The following TOX variants were observed in gnomAD, a reference collection of about 807,000 sequenced individuals.
The protein encoded by TOX is thymocyte selection-associated high mobility group box protein TOX.
In TOX, 11 loss-of-function variants were observed where a neutral mutation model predicts 53.7. That is an observed-to-expected ratio of 0.20 (90% confidence interval 0.13 to 0.34). TOX has a LOEUF of 0.34. Ranked by LOEUF, TOX falls within the 10% of genes least tolerant of loss-of-function variation. The pLI is 1.00. For synonymous variants in TOX, 225 were observed against 245.3 expected (o/e 0.92, Z 0.77); for missense variants, 570 against 664.6 (o/e 0.86, Z 1.56).
At chr8:58,822,084 T>C (rs1810290808) in intron 6 of TOX, among the ~76,000 whole-genome samples, 1 of 152,246 alleles carries the variant, frequency 6.6e-6, no homozygotes, top group African/African-American at 2.4e-5. Flanking sequence ...CATTTGCTTC[T>C]GCTTTTAAGT....
chr8:59,028,767 T>C (rs1432784910), intron 1 of TOX, among the ~76,000 whole-genome samples: 2 of 152,172 alleles, frequency 1.3e-5, no homozygotes, highest in African/African-American at 2.4e-5. Context: ...TTTCATAGTT[T>C]TAATATGAAC....
intron 3 of TOX, among the ~76,000 whole-genome samples, chr8:58,883,667 C>T (rs1393126739): frequency 6.6e-6 from 1 of 151,806 alleles, no homozygotes; most frequent in Non-Finnish European, 1.5e-5. Context: ...GGAACTTTAT[C>T]TGGGTAAGTG....
At chr8:58,879,596 T>C (rs1014454055) in intron 3 of TOX, among the ~76,000 whole-genome samples, 3 of 152,246 alleles carry the variant, frequency 2.0e-5, no homozygotes, top group Non-Finnish European at 2.9e-5. Flanking sequence ...CACTGAGCCA[T>C]GTAATCTAGC....
intron 1 of TOX, among the ~76,000 whole-genome samples, chr8:59,080,849 G>A (rs567349568): frequency 3.3e-5 from 5 of 152,100 alleles, no homozygotes; most frequent in East Asian, 1.9e-4. Context: ...TGCAGAACTG[G>A]GCCAATTAAA....
intron 1 of TOX, among the ~76,000 whole-genome samples, chr8:58,993,114 T>TGGAACCTGAACTGGGAAGAGTAACCGTC (rs1813487149): frequency 6.6e-6 from 1 of 152,000 alleles, no homozygotes; most frequent in Admixed American, 6.6e-5. Flanking sequence ...GCTGACAGAT[T>TGGAACCTGAACTGGGAAGAGTAACCGTC]GGAACCTGAA....
At chr8:59,027,587 C>T (rs1385756159) in intron 1 of TOX, among the ~76,000 whole-genome samples, 1 of 152,044 alleles carries the variant, frequency 6.6e-6, no homozygotes, top group Non-Finnish European at 1.5e-5. Flanking sequence ...ATTTGTTGTA[C>T]AGATTTATAT....
In TOX at chr8:58,884,319, C is replaced by A. The variant is rs1458861536; in HGVS notation, c.412-32514G>T. Among the ~76,000 whole-genome samples the A allele has an allele frequency of 2.0e-5, 3 of 152,224 alleles. 1 individual carries two copies. The highest frequency in any genetic ancestry group is 4.1e-4 in the South Asian group (2 of 4,822). On this transcript the variant is annotated intron_variant, in intron 3 of 8. Transcript: ENST00000361421. Reference sequence around the variant, plus strand: ...ATTGATTTTTCCGCCAAATGGAAGACCTCTGTCATCTAAGAAGGTTATTCA... The same window carrying A: ...ATTGATTTTTCCGCCAAATGGAAGAACTCTGTCATCTAAGAAGGTTATTCA...
chr8:58,923,042 T>C (rs894886593), intron 3 of TOX, among the ~76,000 whole-genome samples: 1 of 152,100 alleles, frequency 6.6e-6, no homozygotes, highest in African/African-American at 2.4e-5. Flanking sequence ...ATAGTGTGAA[T>C]TGAGGTCAGG....
rs1813226963 is a variant in TOX at position 58,982,661 on chromosome 8, C to T, written c.103-22653G>A. On this transcript the variant is annotated intron_variant, in intron 1 of 8. Coordinates refer to ENST00000361421, the MANE Select transcript of TOX (RefSeq NM_014729.3). ...CAGTTCAATCCCAATCTATGGTCTT[C>T]TCACCTTTTGTCCAGATTGTTGCCA... 2.6e-5 allele frequency among the ~76,000 whole-genome samples: 4 copies of T among 152,344 alleles called. No individual in the cohort carries two copies. In the South Asian group the frequency reaches 8.3e-4, roughly 32 times the overall value.
intron 3 of TOX, among the ~76,000 whole-genome samples, chr8:58,858,050 G>A (rs1563371747): frequency 1.3e-5 from 2 of 152,112 alleles, no homozygotes; most frequent in East Asian, 1.9e-4. Context: ...GATTACAGGC[G>A]TGAGCCACTG....
chr8:58,852,912 G>T (rs1810849556), intron 3 of TOX, among the ~76,000 whole-genome samples: 1 of 152,208 alleles, frequency 6.6e-6, no homozygotes, highest in Non-Finnish European at 1.5e-5. Flanking sequence ...GCAATGACCT[G>T]TCTGCAAATG....
intron 1 of TOX, among the ~76,000 whole-genome samples, chr8:59,067,228 G>C (rs1419948412): frequency 1.3e-5 from 2 of 152,152 alleles, no homozygotes; most frequent in African/African-American, 4.8e-5. Context: ...CAATCTTAAA[G>C]ATGTGCTTAA....
intron 1 of TOX, among the ~76,000 whole-genome samples, chr8:59,053,722 G>T (rs1035710769): frequency 1.3e-5 from 2 of 152,076 alleles, no homozygotes; most frequent in Non-Finnish European, 2.9e-5. Context: ...GCTATTTAAG[G>T]ATTTAGGCCC....
At chr8:58,878,885 A>T (rs1811332718) in intron 3 of TOX, among the ~76,000 whole-genome samples, 1 of 151,976 alleles carries the variant, frequency 6.6e-6, no homozygotes, top group Non-Finnish European at 1.5e-5. Context: ...ACATGGTGAA[A>T]CCCCATCTCT....
intron 4 of TOX, among the ~76,000 whole-genome samples, chr8:58,846,554 T>C (rs1174001956): frequency 1.3e-5 from 2 of 152,170 alleles, no homozygotes; most frequent in Non-Finnish European, 2.9e-5. Flanking sequence ...TAAAGGCTTA[T>C]TTAATTGCTG....
chr8:58,959,865 G>A (rs1812772533), intron 2 of TOX, 78 bp downstream of exon 2: 2 of 1,399,092 alleles, frequency 1.4e-6, no homozygotes, highest in Admixed American at 3.4e-5. Flanking sequence ...TACTGATAGT[G>A]CTACTCATTT....
chr8:58,924,827 G>T (rs1477149959), intron 3 of TOX, among the ~76,000 whole-genome samples: 2 of 152,110 alleles, frequency 1.3e-5, no homozygotes, highest in Non-Finnish European at 2.9e-5. Flanking sequence ...TCTTTCTCTG[G>T]CCTCTTCAGG....
At position 59,031,995 on chromosome 8, in the gene TOX, TTCTC is replaced by T. The variant is rs909851986; in HGVS notation, c.103-71991_103-71988del. On this transcript the variant is annotated intron_variant, in intron 1 of 8. Coordinates refer to ENST00000361421, the MANE Select transcript of TOX (RefSeq NM_014729.3). ...ATCATCTGACTTAATGCTTAATGTT[TTCTC>T]TCTCTATCTTCTGGGTGAAAAAGGG... is the stretch of plus-strand genomic sequence containing the variant. Among the ~76,000 whole-genome samples, 5 of 152,340 alleles carry T rather than the reference TTCTC, an allele frequency of 3.3e-5. No homozygotes were observed. In the South Asian group the frequency reaches 8.3e-4, roughly 25 times the overall value.
intron 1 of TOX, among the ~76,000 whole-genome samples, chr8:59,007,892 G>A (rs977091868): frequency 1.3e-5 from 2 of 152,152 alleles, no homozygotes; most frequent in African/African-American, 4.8e-5. Flanking sequence ...ACCAATGATG[G>A]CACTGATAAC....
Sources: allele counts gnomAD v4.1 joint callset (sites outside exome capture counted in the v4.1 genomes callset), GRCh38; gene constraint gnomAD v4.1.1; transcripts MANE v1.5; gene names NCBI Gene and HGNC (gene_info 2026-07-23, HGNC 2026-07-21).